FLVCR1: variants seen among roughly 807,000 people sequenced by gnomAD.
FLVCR1 encodes FLVCR choline and heme transporter 1, also known as choline/ethanolamine transporter FLVCR1.
FLVCR1 carries 34 observed loss-of-function variants against 53.6 expected under a neutral mutation model. The ratio of observed to expected loss-of-function variants is 0.63; its 90% confidence interval spans 0.48 to 0.84. The LOEUF (loss-of-function observed/expected upper bound fraction) is 0.84, where lower values mean the gene tolerates loss of function less well. Among genes scored for constraint, FLVCR1 ranks in the 40% least tolerant of loss-of-function variants. The pLI is 0.00. For synonymous variants in FLVCR1, 300 were observed against 286.3 expected (o/e 1.05, Z -0.48); for missense variants, 677 against 696.7 (o/e 0.97, Z 0.32).
chr1:212,876,121 A>G (rs1664745952), intron 3 of FLVCR1, among the ~76,000 whole-genome samples: 1 of 151,914 alleles, frequency 6.6e-6, no homozygotes, highest in African/African-American at 2.4e-5. Flanking sequence ...TCCTGACCTC[A>G]GGCATCACCT....
chr1:212,895,182 C>T (rs1665300866), intron 9 of FLVCR1, 34 bp from the exon 10 acceptor site: 1 of 1,513,864 alleles, frequency 6.6e-7, no homozygotes, highest in African/African-American at 1.4e-5. Flanking sequence ...ATGCCAGATG[C>T]TATACATTTT....
intron 7 of FLVCR1, among the ~76,000 whole-genome samples, 169 bp downstream of exon 7, chr1:212,888,763 T>C (rs1479164873): frequency 2.0e-5 from 3 of 152,134 alleles, no homozygotes; most frequent in African/African-American, 4.8e-5. Context: ...TGGCTAACTA[T>C]AGCCTCAAAC....
chr1:212,885,265 A>G (rs753743805), intron 4 of FLVCR1, 28 bp from the exon 5 acceptor site: 8 of 1,482,430 alleles, frequency 5.4e-6, no homozygotes, highest in East Asian at 2.3e-5. Flanking sequence ...CATTTATTTG[A>G]TCAACTTCTT....
intron 1 of FLVCR1, among the ~76,000 whole-genome samples, chr1:212,862,215 C>G (rs1664266727): frequency 6.6e-6 from 1 of 152,132 alleles, no homozygotes; most frequent in Non-Finnish European, 1.5e-5. Context: ...GTGTACAATT[C>G]AGTGGCGTTT....
chr1:212,880,467 A>T (rs544722634), intron 3 of FLVCR1, among the ~76,000 whole-genome samples: 1 of 152,230 alleles, frequency 6.6e-6, no homozygotes, highest in South Asian at 2.1e-4. Context: ...GAGCCCAGAG[A>T]CCTACCTTGG....
At chr1:212,888,377 A>G in intron 6 of FLVCR1, 112 bp from the exon 7 acceptor site, 2 of 791,120 alleles carry the variant, frequency 2.5e-6, no homozygotes, top group Non-Finnish European at 4.4e-6. Flanking sequence ...GCAACTTCAA[A>G]ATATTCACTT....
At chr1:212,875,913 C>G (rs1664741699) in intron 3 of FLVCR1, among the ~76,000 whole-genome samples, 1 of 151,264 alleles carries the variant, frequency 6.6e-6, no homozygotes, top group African/African-American at 2.4e-5. Flanking sequence ...TTTTATTGGT[C>G]TCTCAGTCTG....
intron 2 of FLVCR1, among the ~76,000 whole-genome samples, chr1:212,870,803 G>A (rs891663827): frequency 3.3e-5 from 5 of 151,832 alleles, no homozygotes; most frequent in South Asian, 2.1e-4. Flanking sequence ...GTCTCACTCC[G>A]TTGCCCCGGC....
chr1:212,867,324 T>A (rs1664467785), intron 2 of FLVCR1, among the ~76,000 whole-genome samples: 1 of 152,214 alleles, frequency 6.6e-6, no homozygotes. Context: ...CCTCAAACAT[T>A]TGGTTTGTTG....
rs1246105661 is a variant in FLVCR1, at chr1:212,896,268, C to G, written c.*978C>G. The G allele has an allele frequency of 2.6e-5, 4 of 152,054 alleles. No homozygotes were observed. Among genetic ancestry groups the G allele is most frequent in the Admixed American group, 6.5e-5 (1 of 15,270 alleles). The allele number at this position is 152,054 out of a possible 1,614,324, so 9.4% of individuals were successfully genotyped here. Reference sequence around the variant, plus strand: ...CCTGAAATAAGGAAATCTATAATAACTTCAGATAGCCTACATGTCCCCATT... The same window carrying G: ...CCTGAAATAAGGAAATCTATAATAAGTTCAGATAGCCTACATGTCCCCATT... On this transcript the variant is annotated 3_prime_UTR_variant, in exon 10 of 10. Coordinates refer to ENST00000366971, the MANE Select transcript of FLVCR1 (RefSeq NM_014053.4).
In FLVCR1 at chr1:212,895,532, G is replaced by A. The variant is rs984963071; in HGVS notation, c.*242G>A. The A allele has an allele frequency of 4.6e-5, 23 of 503,416 alleles. No individual in the cohort carries two copies. The highest frequency in any genetic ancestry group is 5.3e-4 in the Middle Eastern group (1 of 1,904). The allele number at this position is 503,416 out of a possible 1,614,324, so 31.2% of individuals were successfully genotyped here. A position where few individuals can be genotyped will look rare whatever the true frequency, so the allele number is the denominator to read the frequency against. ...ACTACTGTTTATCTAATTAGTATCC[G>A]GTTTTTAGTCTCATATTGTATCTGA... On this transcript the variant is annotated 3_prime_UTR_variant, in exon 10 of 10. Transcript: ENST00000366971.
At chr1:212,863,133 T>C (rs552742016) in intron 1 of FLVCR1, among the ~76,000 whole-genome samples, 1 of 152,364 alleles carries the variant, frequency 6.6e-6, no homozygotes, top group South Asian at 2.1e-4. Context: ...TTGCATATTC[T>C]TATTCCCCTT....
At chr1:212,880,917 G>A (rs1001592719) in intron 3 of FLVCR1, among the ~76,000 whole-genome samples, 1 of 151,986 alleles carries the variant, frequency 6.6e-6, no homozygotes, top group African/African-American at 2.4e-5. Context: ...GCTCATCAAA[G>A]TTACTCAAGG....
Position 212,862,982 on chromosome 1 carries a change from T to A in FLVCR1, c.739-743T>A, listed in dbSNP as rs1664292232. On this transcript the variant is annotated intron_variant, in intron 1 of 9. Coordinates refer to ENST00000366971, the MANE Select transcript of FLVCR1 (RefSeq NM_014053.4). ...TTGGAGAAATGTCTATTCAAGTCTT[T>A]TGCCCATTTTAAAATTGGGATATTG... Among the ~76,000 whole-genome samples the A allele has an allele frequency of 3.9e-5, 6 of 152,250 alleles. No individual in the cohort carries two copies. In the South Asian group the frequency reaches 1.2e-3, roughly 31 times the overall value.
rs41300969 is a variant in FLVCR1 at position 212,888,064 on chromosome 1, C to T, written c.1307+63C>T. 5.6e-4 allele frequency: 552 copies of T among 989,548 alleles called. 4 individuals are homozygous for T. In the African/African-American group the frequency reaches 7.5e-3, roughly 13 times the overall value. The allele number at this position is 989,548 out of a possible 1,614,324, so 61.3% of individuals were successfully genotyped here. Reference sequence around the variant, plus strand: ...CTGTTATAATTCTGAAGTATTATTACTCTGGTCTTTAATTTTTTCAGTTCA... The same window carrying T: ...CTGTTATAATTCTGAAGTATTATTATTCTGGTCTTTAATTTTTTCAGTTCA... On this transcript the variant is annotated intron_variant, in intron 6 of 9. Transcript: ENST00000366971.
rs1553266127 is a variant in FLVCR1 at position 212,893,068 on chromosome 1, G to GGC, written c.1526-1917_1526-1916insCG. On this transcript the variant is annotated intron_variant, in intron 8 of 9. Coordinates refer to ENST00000366971, the MANE Select transcript of FLVCR1 (RefSeq NM_014053.4). ...TGAAGGGTTGCTTCTTTTTTTTTGG[G>GGC]GGGGGGTGCCGGAATGTTGCTGTGT... is the stretch of plus-strand genomic sequence containing the variant. 1.3e-4 allele frequency among the ~76,000 whole-genome samples: 9 copies of GGC among 67,550 alleles called. No homozygotes were observed. In the East Asian group the frequency reaches 4.8e-3, roughly 36 times the overall value. The allele number at this position is 67,550 out of a possible 152,430, so 44.3% of individuals were successfully genotyped here.
Position 212,858,398 on chromosome 1 carries a change from G to C in FLVCR1, c.-55G>C. ...GAGGACCTCGGGCTGTGGGCCGGGA[G>C]AGCGGAGTCGGGGAGTGGGGCGGGG... On this transcript the variant is annotated 5_prime_UTR_variant, in exon 1 of 10. Transcript: ENST00000366971. 1 of 1,404,640 alleles carries C rather than the reference G, an allele frequency of 7.1e-7. No homozygotes were observed. The highest frequency in any genetic ancestry group is 9.3e-7 in the Non-Finnish European group (1 of 1,075,178). 87.0% of individuals were successfully genotyped at this position (1,404,640 alleles called of 1,614,324 possible). A position where few individuals can be genotyped will look rare whatever the true frequency, so the allele number is the denominator to read the frequency against.
At chr1:212,891,439 C>T (rs936945774) in intron 8 of FLVCR1, among the ~76,000 whole-genome samples, 10 of 91,046 alleles carry the variant, frequency 1.1e-4, no homozygotes, top group Admixed American at 8.8e-4. Flanking sequence ...AGTGAGACTC[C>T]GTCTCAAAAA....
At chr1:212,863,604 A>G in intron 1 of FLVCR1, 121 bp from the exon 2 acceptor site, 1 of 885,438 alleles carries the variant, frequency 1.1e-6, no homozygotes, top group South Asian at 1.5e-5. Flanking sequence ...AAAGAACATA[A>G]TAGTTTAATT....
Sources: allele counts gnomAD v4.1 joint callset (sites outside exome capture counted in the v4.1 genomes callset), GRCh38; gene constraint gnomAD v4.1.1; transcripts MANE v1.5; gene names NCBI Gene and HGNC (gene_info 2026-07-23, HGNC 2026-07-21).